SLC35F1: variants seen among roughly 807,000 people sequenced by gnomAD.
SLC35F1 encodes chromosome 6 open reading frame 169.
A neutral mutation model predicts 48.7 loss-of-function variants in SLC35F1; 14 were observed. The ratio of observed to expected loss-of-function variants is 0.29; its 90% CI spans 0.19 to 0.45. SLC35F1 has a LOEUF of 0.45. Among genes scored for constraint, SLC35F1 ranks in the 20% least tolerant of loss-of-function variants. The pLI, the probability that SLC35F1 is intolerant of heterozygous loss-of-function variation, is 1.00. For missense variants in SLC35F1, 404 were observed against 500.0 expected (o/e 0.81, Z 1.83); for synonymous variants, 190 against 202.2 (o/e 0.94, Z 0.51).
chr6:118,012,326 G>GAAAA, intron 1 of SLC35F1, among the ~76,000 whole-genome samples: 1 of 137,274 alleles, frequency 7.3e-6, no homozygotes, highest in African/African-American at 2.8e-5. Context: ...AATAAATGGG[G>GAAAA]AAAAAAAAAA....
chr6:117,958,311 A>G (rs937247063), intron 1 of SLC35F1, among the ~76,000 whole-genome samples: 1 of 152,208 alleles, frequency 6.6e-6, no homozygotes, highest in Admixed American at 6.5e-5. Context: ...TAATAAGCTA[A>G]TGTCCATTTG....
intron 1 of SLC35F1, among the ~76,000 whole-genome samples, chr6:118,056,745 G>T (rs1159065832): frequency 1.3e-5 from 2 of 152,122 alleles, no homozygotes; most frequent in African/African-American, 2.4e-5. Context: ...TTTATACAAA[G>T]ACTTTTTTAT....
intron 1 of SLC35F1, among the ~76,000 whole-genome samples, chr6:118,102,678 G>T (rs991026409): frequency 4.6e-5 from 7 of 152,206 alleles, no homozygotes; most frequent in African/African-American, 1.7e-4. Context: ...CACCTCAGAA[G>T]CTCATCCGTG....
chr6:118,056,172 T>A (rs1772460204), intron 1 of SLC35F1, among the ~76,000 whole-genome samples: 2 of 152,206 alleles, frequency 1.3e-5, no homozygotes, highest in South Asian at 4.1e-4. Flanking sequence ...TTAAATCTCT[T>A]ATCTCTAGCA....
chr6:118,230,514 A>T lies in SLC35F1; in HGVS notation c.350-4995A>T, dbSNP rs1775279012. Among the ~76,000 whole-genome samples, 3 of 152,228 alleles carry T rather than the reference A, an allele frequency of 2.0e-5. No individual in the cohort carries two copies. In the South Asian group the frequency reaches 6.2e-4, roughly 32 times the overall value. On this transcript the variant is annotated intron_variant, in intron 2 of 7. Coordinates refer to ENST00000360388, the MANE Select transcript of SLC35F1 (RefSeq NM_001029858.4). ...ATTAGCTCTCCATGAGACAACAAGG[A>T]TGCATTTCTAAAACAAGGATAAGCC...
In SLC35F1 at chr6:117,923,643, G is replaced by GTACATATATACATATA. The variant is rs1562238603; in HGVS notation, c.173+15751_173+15752insATACATATATACATAT. 1.7e-4 allele frequency among the ~76,000 whole-genome samples: 10 copies of GTACATATATACATATA among 58,738 alleles called. 4 individuals carry two copies. Among genetic ancestry groups the GTACATATATACATATA allele is most frequent in the Admixed American group, 6.2e-4 (3 of 4,818 alleles). 38.5% of individuals were successfully genotyped at this position (58,738 alleles called of 152,430 possible). A position where few individuals can be genotyped will look rare whatever the true frequency, so the allele number is the denominator to read the frequency against. On this transcript the variant is annotated intron_variant, in intron 1 of 7. Transcript: ENST00000360388. ...TGTATATATACATATATGTACATAT[G>GTACATATATACATATA]TACATATGTACATATGTATATATAC... is the stretch of plus-strand genomic sequence containing the variant.
intron 2 of SLC35F1, among the ~76,000 whole-genome samples, chr6:118,170,975 A>G (rs796478569): frequency 6.6e-6 from 1 of 152,084 alleles, no homozygotes; most frequent in East Asian, 1.9e-4. Flanking sequence ...CATAATTATA[A>G]TGTGTTTTTG....
intron 2 of SLC35F1, among the ~76,000 whole-genome samples, chr6:118,200,058 C>A (rs1395457723): frequency 6.6e-6 from 1 of 152,082 alleles, no homozygotes; most frequent in Non-Finnish European, 1.5e-5. Context: ...CATGTGAAGA[C>A]TTTTGATACA....
At chr6:118,112,098 TTTC>T (rs1773414160) in intron 1 of SLC35F1, among the ~76,000 whole-genome samples, 2 of 53,590 alleles carry the variant, frequency 3.7e-5, no homozygotes, top group South Asian at 1.1e-3. Flanking sequence ...TTTCTTTTCT[TTTC>T]TTTTCTTTTC....
chr6:118,003,476 G>T (rs1173031012), intron 1 of SLC35F1, among the ~76,000 whole-genome samples: 1 of 152,230 alleles, frequency 6.6e-6, no homozygotes, highest in Non-Finnish European at 1.5e-5. Flanking sequence ...ATGATGCATG[G>T]TGAGCTAGGT....
chr6:117,971,949 A>G (rs1776648155), intron 1 of SLC35F1, among the ~76,000 whole-genome samples: 2 of 152,244 alleles, frequency 1.3e-5, no homozygotes. Flanking sequence ...CTTGGTGATT[A>G]ACATTTGGCT....
chr6:118,134,624 T>G (rs1773766350), intron 1 of SLC35F1, among the ~76,000 whole-genome samples: 3 of 152,212 alleles, frequency 2.0e-5, no homozygotes, highest in Non-Finnish European at 4.4e-5. Flanking sequence ...CTGTATGTGG[T>G]CAGCAACACG....
At chr6:118,036,973 A>T (rs901718453) in intron 1 of SLC35F1, among the ~76,000 whole-genome samples, 2 of 151,592 alleles carry the variant, frequency 1.3e-5, no homozygotes, top group African/African-American at 2.4e-5. Context: ...TTTTTGTAAC[A>T]TATATATTTG....
At chr6:118,020,969 T>C (rs1777386302) in intron 1 of SLC35F1, among the ~76,000 whole-genome samples, 2 of 152,144 alleles carry the variant, frequency 1.3e-5, no homozygotes, top group Admixed American at 1.3e-4. Flanking sequence ...TATAATAGAA[T>C]GTATTGGCTC....
intron 1 of SLC35F1, among the ~76,000 whole-genome samples, chr6:118,009,318 A>G (rs374658816): frequency 9.2e-5 from 14 of 152,228 alleles, no homozygotes; most frequent in African/African-American, 3.4e-4. Flanking sequence ...CATTAGGTTT[A>G]TTTTACAGGT....
At chr6:118,176,041 A>T (rs185758660) in intron 2 of SLC35F1, among the ~76,000 whole-genome samples, 2 of 152,082 alleles carry the variant, frequency 1.3e-5, no homozygotes, top group African/African-American at 4.8e-5. Flanking sequence ...TTCCAGGGAA[A>T]TGTATCTCAT....
chr6:118,002,415 C>T (rs1182348442), intron 1 of SLC35F1, among the ~76,000 whole-genome samples: 1 of 149,590 alleles, frequency 6.7e-6, no homozygotes, highest in Non-Finnish European at 1.5e-5. Context: ...AACACATGGA[C>T]ACAGGAAGGG....
intron 1 of SLC35F1, among the ~76,000 whole-genome samples, chr6:118,151,862 C>T (rs538997456): frequency 4.6e-5 from 7 of 152,092 alleles, no homozygotes; most frequent in African/African-American, 1.7e-4. Context: ...TTACCTCTAC[C>T]TTTCTTTCTT....
intron 1 of SLC35F1, among the ~76,000 whole-genome samples, chr6:118,139,269 T>G (rs2516068): frequency 6.6e-6 from 1 of 151,982 alleles, no homozygotes; most frequent in African/African-American, 2.4e-5. Flanking sequence ...CCTGCCACCA[T>G]GCCCGGCTAA....
Sources: allele counts gnomAD v4.1 joint callset (sites outside exome capture counted in the v4.1 genomes callset), GRCh38; gene constraint gnomAD v4.1.1; transcripts MANE v1.5; gene names NCBI Gene and HGNC (gene_info 2026-07-23, HGNC 2026-07-21).